Variants in DSE observed in about 807,000 individuals in gnomAD.
The protein encoded by DSE is dermatan sulfate epimerase.
Under a neutral mutation model 84.4 loss-of-function variants are expected in DSE, and 36 were observed. That is an observed-to-expected ratio of 0.43 (90% CI 0.33 to 0.56). The LOEUF is 0.56. Among genes scored for constraint, DSE ranks in the 20% least tolerant of loss-of-function variants. The pLI is 0.06. For synonymous variants in DSE, 410 were observed against 430.1 expected (o/e 0.95, Z 0.58); for missense variants, 862 against 1,169.6 (o/e 0.74, Z 3.84).
intron 2 of DSE, among the ~76,000 whole-genome samples, chr6:116,325,146 A>T (rs1173852674): frequency 1.3e-5 from 2 of 152,210 alleles, no homozygotes; most frequent in Non-Finnish European, 2.9e-5. Flanking sequence ...AGTCCTTCAG[A>T]CACCAAAGCC....
intron 2 of DSE, among the ~76,000 whole-genome samples, chr6:116,333,166 G>T (rs1349913399): frequency 6.6e-6 from 1 of 152,180 alleles, no homozygotes; most frequent in South Asian, 2.1e-4. Context: ...ATGCATCCCA[G>T]TGGAAAGCAC....
chr6:116,370,912 G>A (rs924198126), upstream of DSE: 3 of 985,182 alleles, frequency 3.0e-6, no homozygotes, highest in African/African-American at 3.5e-5. Context: ...CGCCCCTTTC[G>A]CCCACACCTA....
chr6:116,381,895 A>C (rs1191045182), intron 1 of DSE, among the ~76,000 whole-genome samples: 1 of 152,198 alleles, frequency 6.6e-6, no homozygotes, highest in Non-Finnish European at 1.5e-5. Flanking sequence ...AAAATCTGTC[A>C]GCAGACTGTT....
At chr6:116,264,997 G>A (rs1772561007) in intron 2 of DSE, among the ~76,000 whole-genome samples, 1 of 152,170 alleles carries the variant, frequency 6.6e-6, no homozygotes, top group Non-Finnish European at 1.5e-5. Flanking sequence ...TTTGATGGGT[G>A]GTATCAGCCA....
chr6:116,269,046 A>G (rs1772761994), intron 2 of DSE, among the ~76,000 whole-genome samples: 1 of 151,770 alleles, frequency 6.6e-6, no homozygotes, highest in African/African-American at 2.4e-5. Context: ...AAAAAACCTC[A>G]TATGCTCCTG....
Position 116,279,682 on chromosome 6 carries a change from C to G in DSE, c.-54+20715C>G, listed in dbSNP as rs200419841. 3.6e-4 allele frequency: 572 copies of G among 1,609,694 alleles called. 3 individuals carry two copies. Among genetic ancestry groups the G allele is most frequent in the Non-Finnish European group, 5.2e-5 (61 of 1,179,990 alleles). On this transcript the variant is annotated intron_variant, in intron 2 of 3. Transcript: ENST00000430252. Reference sequence around the variant, plus strand: ...CGCGACGGTCTCCGAGCCTCCCTCACCCGGCTCCGCCATCACCTGTGTCGC... The same window carrying G: ...CGCGACGGTCTCCGAGCCTCCCTCAGCCGGCTCCGCCATCACCTGTGTCGC...
chr6:116,315,759 T>C lies in DSE; in HGVS notation c.-54+56792T>C, dbSNP rs146659191. 2.3e-3 allele frequency among the ~76,000 whole-genome samples: 354 copies of C among 152,334 alleles called. 2 individuals are homozygous for C. Among genetic ancestry groups the C allele is most frequent in the African/African-American group, 8.2e-3 (340 of 41,578 alleles). Reference sequence around the variant, plus strand: ...GCTCACGCCTGTAATCCCAGCACTTTGGGAGGACGAGGCAGGCAGATGAAG... The same window carrying C: ...GCTCACGCCTGTAATCCCAGCACTTCGGGAGGACGAGGCAGGCAGATGAAG... On this transcript the variant is annotated intron_variant, in intron 2 of 3. Transcript: ENST00000430252.
At chr6:116,341,326 A>G (rs1002485637) in intron 2 of DSE, among the ~76,000 whole-genome samples, 23 of 152,054 alleles carry the variant, frequency 1.5e-4, no homozygotes, top group African/African-American at 5.5e-4. Context: ...TTTCGATGGG[A>G]TAATTTTTTT....
chr6:116,431,183 C>A lies in DSE; in HGVS notation c.900C>A (p.Thr300=). Residue 300 remains threonine (T), a synonymous_variant, in exon 4 of 6, where the codon ACC becomes ACA. Coordinates refer to ENST00000644252, the MANE Select transcript of DSE (RefSeq NM_013352.4). ...LKQHFAFMYR[T]ILPGFQRTVA... Reference sequence around the variant, plus strand: ...AACACTTTGCATTTATGTATAGAACCATCCTGCCAGGTATAGTGAGGAGTC... The same window carrying A: ...AACACTTTGCATTTATGTATAGAACAATCCTGCCAGGTATAGTGAGGAGTC... The A allele has an allele frequency of 6.2e-7, 1 of 1,614,076 alleles. No individual in the cohort carries two copies. Among genetic ancestry groups the A allele is most frequent in the Non-Finnish European group, 8.5e-7 (1 of 1,179,998 alleles).
intron 2 of DSE, among the ~76,000 whole-genome samples, chr6:116,360,786 CATTTTT>C (rs1778842189): frequency 6.6e-6 from 1 of 152,042 alleles, no homozygotes; most frequent in Non-Finnish European, 1.5e-5. Flanking sequence ...ATGAATTTGA[CATTTTT>C]AATTTTTTTT....
chr6:116,365,552 C>T (rs1042982058), upstream of DSE, among the ~76,000 whole-genome samples: 1 of 152,210 alleles, frequency 6.6e-6, no homozygotes, highest in Non-Finnish European at 1.5e-5. Context: ...CGCACGTGGC[C>T]GGAAGTTCTT....
In DSE at chr6:116,436,126, A is replaced by G; in HGVS notation, c.1658A>G (p.Asn553Ser). 1.2e-6 allele frequency: 2 copies of G among 1,612,970 alleles called. No homozygotes were observed. Among genetic ancestry groups the G allele is most frequent in the Non-Finnish European group, 1.7e-6 (2 of 1,180,006 alleles). ...TATAACCCCCAGCTCAACCTGAAGAATGTTCAGAGGAATCTCATCCTCCTA... is the reference window on the plus strand; with the variant it reads ...TATAACCCCCAGCTCAACCTGAAGAGTGTTCAGAGGAATCTCATCCTCCTA... ...GAYNPQLNLK[N>S]VQRNLILLHP... The change falls in exon 6 of 6, where the codon AAT (asparagine) becomes AGT (serine). Residue 553 changes from asparagine to serine, a missense_variant. Physicochemically the swap from Asn to Ser is conservative, Grantham distance 46. Coordinates refer to ENST00000644252, the MANE Select transcript of DSE (RefSeq NM_013352.4).
chr6:116,339,023 A>G (rs948414743), intron 2 of DSE, among the ~76,000 whole-genome samples: 5 of 152,120 alleles, frequency 3.3e-5, no homozygotes, highest in Non-Finnish European at 7.4e-5. Flanking sequence ...AGCTCTGTTC[A>G]TCTGTATCCA....
intron 2 of DSE, among the ~76,000 whole-genome samples, chr6:116,424,904 G>A (rs1245433981): frequency 6.6e-6 from 1 of 152,180 alleles, no homozygotes; most frequent in Non-Finnish European, 1.5e-5. Flanking sequence ...TGAGGTCTAT[G>A]AGGTTTGTTT....
rs778626240 is a variant in DSE at position 116,258,505 on chromosome 6, CT to C, written c.-514del. 4.2e-6 allele frequency: 5 copies of C among 1,189,098 alleles called. No individual in the cohort carries two copies. The South Asian group carries it at 6.1e-5, about 14-fold the overall frequency. The allele number at this position is 1,189,098 out of a possible 1,614,324, so 73.7% of individuals were successfully genotyped here. On this transcript the variant is annotated 5_prime_UTR_variant, in exon 2 of 4. Transcript: ENST00000430252. Reference sequence around the variant, plus strand: ...ACAGCTGGGAAAATCAGCGGTTGGACTTGGCCACATGCTCCAAGAAGGCCAC... The same window carrying C: ...ACAGCTGGGAAAATCAGCGGTTGGACTGGCCACATGCTCCAAGAAGGCCAC...
At chr6:116,416,849 A>T (rs1470882489) in intron 2 of DSE, among the ~76,000 whole-genome samples, 1 of 152,200 alleles carries the variant, frequency 6.6e-6, no homozygotes, top group Non-Finnish European at 1.5e-5. Flanking sequence ...AAAGTTGTCC[A>T]GCTGAACTTT....
At chr6:116,329,413 A>G (rs922498574) in intron 2 of DSE, among the ~76,000 whole-genome samples, 1 of 152,228 alleles carries the variant, frequency 6.6e-6, no homozygotes, top group Non-Finnish European at 1.5e-5. Context: ...GAAATTTATG[A>G]TGAATTTTCT....
At chr6:116,342,950 A>G (rs190443068) in intron 2 of DSE, among the ~76,000 whole-genome samples, 144 of 152,240 alleles carry the variant, frequency 9.5e-4, no homozygotes, top group African/African-American at 3.4e-3. Context: ...CCACCCTAAT[A>G]CTGCGCTTTT....
At chr6:116,370,890 C>T (rs1270009678), upstream of DSE, 8 of 985,646 alleles carry the variant, frequency 8.1e-6, no homozygotes, top group Middle Eastern at 5.2e-4. Flanking sequence ...GCGCCCGCCG[C>T]GTCCCTCCCT....
Sources: allele counts gnomAD v4.1 joint callset (sites outside exome capture counted in the v4.1 genomes callset), GRCh38; gene constraint gnomAD v4.1.1; transcripts MANE v1.5; gene names NCBI Gene and HGNC (gene_info 2026-07-23, HGNC 2026-07-21).